The following C11orf65 variants were observed in gnomAD, a reference collection of about 807,000 sequenced individuals.
C11orf65 encodes the protein protein MFI.
Under a neutral mutation model 35.3 loss-of-function variants are expected in C11orf65, and 38 were observed. The observed-to-expected ratio is 1.08, with a 90% confidence interval of 0.83 to 1.41. The LOEUF (loss-of-function observed/expected upper bound fraction) is 1.41. Among genes scored for constraint, C11orf65 ranks in the 40% most tolerant of loss-of-function variants. The pLI is 0.00. For missense variants in C11orf65, 370 were observed against 367.1 expected, an observed-to-expected ratio of 1.01 and a Z score of -0.06; for synonymous variants, 105 against 114.4, an observed-to-expected ratio of 0.92 and a Z score of 0.53.
At position 108,320,086 on chromosome 11, in the gene C11orf65, T is replaced by C. The variant is rs555582922; in HGVS notation, c.641-11015A>G. 12 of 1,485,650 alleles carry C rather than the reference T, an allele frequency of 8.1e-6. No individual in the cohort carries two copies. In the South Asian group the frequency reaches 1.4e-4, roughly 17 times the overall value. The allele number at this position is 1,485,650 out of a possible 1,614,324, so 92.0% of individuals were successfully genotyped here. On this transcript the variant is annotated intron_variant, in intron 6 of 6. Transcript: ENST00000525729. Reference sequence around the variant, plus strand: ...ATTATGAAAAGACAAAGTTACTGTATTTTAACATTTAATGTCATGGCTTCT... The same window carrying C: ...ATTATGAAAAGACAAAGTTACTGTACTTTAACATTTAATGTCATGGCTTCT...
chr11:108,393,774 A>G (rs1045264588), intron 6 of C11orf65, among the ~76,000 whole-genome samples: 1 of 152,224 alleles, frequency 6.6e-6, no homozygotes, highest in African/African-American at 2.4e-5. Flanking sequence ...GGCTAATAGC[A>G]GATAAAGAGG....
chr11:108,357,374 G>A (rs953116980), intron 2 of C11orf65, among the ~76,000 whole-genome samples: 14 of 152,178 alleles, frequency 9.2e-5, no homozygotes, highest in South Asian at 2.1e-4. Context: ...GGGGAGGGGC[G>A]CCCGCCATTG....
chr11:108,350,003 A>T (rs564624203), intron 2 of C11orf65, among the ~76,000 whole-genome samples: 1 of 152,162 alleles, frequency 6.6e-6, no homozygotes, highest in African/African-American at 2.4e-5. Context: ...TTGCTGAGAA[A>T]TAGAAAGCAT....
chr11:108,464,249 T>C (rs952974627), intron 1 of C11orf65, among the ~76,000 whole-genome samples: 1 of 151,914 alleles, frequency 6.6e-6, no homozygotes, highest in Non-Finnish European at 1.5e-5. Flanking sequence ...GTAGGATAGT[T>C]TTTACAAGTG....
At chr11:108,357,182 C>T (rs557721975) in intron 2 of C11orf65, among the ~76,000 whole-genome samples, 1 of 152,324 alleles carries the variant, frequency 6.6e-6, no homozygotes, top group Admixed American at 6.5e-5. Context: ...AAAGGGGTGA[C>T]AGACGGCACC....
intron 6 of C11orf65, among the ~76,000 whole-genome samples, chr11:108,313,139 A>G (rs1277475766): frequency 6.6e-6 from 1 of 152,200 alleles, no homozygotes; most frequent in African/African-American, 2.4e-5. Context: ...CCGTCATGTT[A>G]CAGAAACAGT....
At position 108,417,989 on chromosome 11, in the gene C11orf65, TG is replaced by T. The variant is rs1231972015; in HGVS notation, c.175-10841del. Among the ~76,000 whole-genome samples the T allele has an allele frequency of 4.0e-5, 6 of 150,444 alleles. No individual in the cohort carries two copies. The East Asian group carries it at 1.2e-3, about 29-fold the overall frequency. On this transcript the variant is annotated intron_variant, in intron 3 of 8. Coordinates refer to ENST00000393084, the MANE Select transcript of C11orf65 (RefSeq NM_152587.5). ...TGTTAAAAAAAAAAAAAGAGACAGTTGGTGTGGTTGTATTAATACCAGAAAT... is the reference window on the plus strand; with the variant it reads ...TGTTAAAAAAAAAAAAAGAGACAGTTGTGTGGTTGTATTAATACCAGAAAT...
chr11:108,381,068 G>A (rs900858865), downstream of C11orf65, among the ~76,000 whole-genome samples: 2 of 152,314 alleles, frequency 1.3e-5, no homozygotes, highest in Middle Eastern at 3.4e-3. Context: ...TAAGGTTCTA[G>A]CTTAAGTATG....
intron 2 of C11orf65, among the ~76,000 whole-genome samples, chr11:108,459,401 C>T (rs897852437): frequency 2.0e-5 from 3 of 152,116 alleles, no homozygotes; most frequent in African/African-American, 7.2e-5. Flanking sequence ...ACTGGCACAG[C>T]TGCCCCATAT....
intron 6 of C11orf65, among the ~76,000 whole-genome samples, chr11:108,399,084 G>A (rs576267887): frequency 6.6e-6 from 1 of 152,130 alleles, no homozygotes; most frequent in East Asian, 1.9e-4. Flanking sequence ...TCTATATAGG[G>A]CCTCCATCCC....
chr11:108,308,866 C>T, exon 7 of C11orf65: 10 of 642,436 alleles, frequency 1.6e-5, no homozygotes, highest in South Asian at 6.0e-5. Flanking sequence ...AGTTTTATAC[C>T]AGATTATCTT....
rs2092438416 is a variant in C11orf65, at chr11:108,401,509, C to T, written c.560+3920G>A. Among the ~76,000 whole-genome samples the T allele has an allele frequency of 3.9e-5, 6 of 152,258 alleles. No individual in the cohort carries two copies. The South Asian group carries it at 1.2e-3, about 32-fold the overall frequency. On this transcript the variant is annotated intron_variant, in intron 6 of 8. Coordinates refer to ENST00000393084, the MANE Select transcript of C11orf65 (RefSeq NM_152587.5). ...CTCTAGCTGTGCAGCTGCAAGGTCA[C>T]TAGACAGATAAACTCAAGTCATAAA... is the stretch of plus-strand genomic sequence containing the variant.
intron 2 of C11orf65, among the ~76,000 whole-genome samples, chr11:108,456,220 C>T (rs1176224009): frequency 6.6e-6 from 1 of 152,080 alleles, no homozygotes; most frequent in East Asian, 1.9e-4. Context: ...AAACACTTTA[C>T]ATATATGATT....
At chr11:108,363,200 C>G (rs1385046252) in intron 2 of C11orf65, among the ~76,000 whole-genome samples, 2 of 152,180 alleles carry the variant, frequency 1.3e-5, no homozygotes, top group African/African-American at 4.8e-5. Context: ...TCCCAGTCCT[C>G]TGGGACATCA....
At chr11:108,327,668 A>G (rs759267807), downstream of C11orf65, 14 of 1,613,962 alleles carry the variant, frequency 8.7e-6, no homozygotes, top group Non-Finnish European at 1.2e-5. Flanking sequence ...TAAAACTTAC[A>G]TACACAGAAT....
rs587781365 is a variant in C11orf65, at chr11:108,331,520, T to C, written c.*30A>G. On this transcript the variant is annotated 3_prime_UTR_variant, in exon 4 of 4. Transcript: ENST00000524755. ...TTGGCTGCTAGAATGGGGACCAAGA[T>C]GATGGGAGGCCTAGGATTTCATGAA... 4.9e-5 allele frequency: 79 copies of C among 1,613,264 alleles called. No homozygotes were observed. The highest frequency in any genetic ancestry group is 6.4e-5 in the Non-Finnish European group (76 of 1,179,734).
intron 3 of C11orf65, among the ~76,000 whole-genome samples, chr11:108,426,498 A>G (rs1277537169): frequency 1.3e-5 from 2 of 152,220 alleles, no homozygotes. Flanking sequence ...GAAATAAGAG[A>G]GGACACAAAC....
At chr11:108,450,831 T>C (rs1007683004) in intron 2 of C11orf65, among the ~76,000 whole-genome samples, 2 of 151,880 alleles carry the variant, frequency 1.3e-5, no homozygotes, top group Non-Finnish European at 2.9e-5. Flanking sequence ...GCTTCATCCC[T>C]GGGATGCAAG....
Position 108,335,073 on chromosome 11 carries a change from A to C in C11orf65, c.299+147T>G, listed in dbSNP as rs1188411746. On this transcript the variant is annotated intron_variant, in intron 3 of 3. Transcript: ENST00000524755. Reference sequence around the variant, plus strand: ...ATTTACCAAAAATAATAGATTGTGTAGGTTCCGATGGCAAGGAGAGGAGAC... The same window carrying C: ...ATTTACCAAAAATAATAGATTGTGTCGGTTCCGATGGCAAGGAGAGGAGAC... 2.5e-6 allele frequency: 4 copies of C among 1,614,022 alleles called. No individual in the cohort carries two copies. The South Asian group carries it at 4.4e-5, about 18-fold the overall frequency.
Sources: gnomAD v4.1 joint callset for allele counts (sites outside exome capture counted in the v4.1 genomes callset) on GRCh38, gnomAD v4.1.1 for gene constraint, MANE v1.5 for transcripts, NCBI Gene and HGNC (gene_info 2026-07-23, HGNC 2026-07-21) for gene names.